Variants in SPATA9 observed in about 807,000 individuals in gnomAD.
SPATA9 encodes spermatogenesis-associated protein 9.
A neutral mutation model predicts 25.5 loss-of-function variants in SPATA9; 27 were observed. The ratio of observed to expected loss-of-function variants is 1.06; its 90% CI spans 0.78 to 1.46. The LOEUF is 1.46. SPATA9 is among the 40% of genes most tolerant of loss of function. The pLI is 0.00. For synonymous variants in SPATA9, 102 were observed against 105.7 expected (o/e 0.97, Z 0.21); for missense variants, 282 against 297.5 (o/e 0.95, Z 0.38).
chr5:95,704,056 T>TACAC, the SPATA9 span, among the ~76,000 whole-genome samples: 627 of 150,712 alleles, frequency 4.2e-3, 2 homozygotes, highest in African/African-American at 0.015. Flanking sequence ...ACAGTGCATA[T>TACAC]ACACACATAC....
intron 1 of SPATA9, among the ~76,000 whole-genome samples, chr5:95,694,894 G>A (rs1232477250): frequency 6.6e-6 from 1 of 152,056 alleles, no homozygotes; most frequent in African/African-American, 2.4e-5. Context: ...TCCAGCGATG[G>A]CACCAGAGGA....
At chr5:95,685,993 C>T (rs7733871), upstream of SPATA9, among the ~76,000 whole-genome samples, 7,756 of 152,160 alleles carry the variant, frequency 0.051, 275 homozygotes, top group African/African-American at 0.098. Context: ...CCCGCGACCA[C>T]GCCCGGCTAA....
At chr5:95,718,712 T>C in the SPATA9 span, among the ~76,000 whole-genome samples, 1 of 152,180 alleles carries the variant, frequency 6.6e-6, no homozygotes, top group Non-Finnish European at 1.5e-5. Context: ...ACACTAAGGT[T>C]GATCCAGGGT....
intron 1 of SPATA9, among the ~76,000 whole-genome samples, chr5:95,692,278 T>A (rs552177739): frequency 8.5e-5 from 13 of 152,268 alleles, no homozygotes; most frequent in Admixed American, 2.6e-4. Flanking sequence ...CATATTTTTT[T>A]AAAAAGCTAG....
downstream of SPATA9, chr5:95,655,253 G>T (rs1750673511): frequency 6.6e-6 from 1 of 152,108 alleles, no homozygotes; most frequent in East Asian, 1.9e-4. Context: ...GTGAATCTTT[G>T]CTGACAGTTT....
intron 2 of SPATA9, among the ~76,000 whole-genome samples, chr5:95,676,409 G>A (rs1404512089): frequency 1.3e-5 from 2 of 152,154 alleles, no homozygotes; most frequent in East Asian, 3.8e-4. Context: ...GAGCTATTAA[G>A]TAAACAAGAA....
the SPATA9 span, among the ~76,000 whole-genome samples, chr5:95,729,843 G>C: frequency 6.6e-6 from 1 of 152,148 alleles, no homozygotes; most frequent in African/African-American, 2.4e-5. Flanking sequence ...GTTTATGAAG[G>C]AATTTTCTTC....
At position 95,682,785 on chromosome 5, in the gene SPATA9, T is replaced by A; in HGVS notation, c.61+9A>T. On this transcript the variant is annotated intron_variant, in intron 1 of 4. Transcript: ENST00000274432. ...ACCCATACGCCCTTTACAACAAGAT[T>A]GTGTATACTTCTTCCAGAAAAGTTC... 4 of 1,542,972 alleles carry A rather than the reference T, an allele frequency of 2.6e-6. No homozygotes were observed. Among genetic ancestry groups the A allele is most frequent in the Non-Finnish European group, 3.5e-6 (4 of 1,149,246 alleles).
the SPATA9 span, chr5:95,732,074 G>C: frequency 6.2e-7 from 1 of 1,614,120 alleles, no homozygotes; most frequent in Middle Eastern, 1.6e-4. Context: ...GTCCACGACT[G>C]TCCCGTCTGG....
chr5:95,694,640 A>G (rs1339412802), intron 1 of SPATA9, among the ~76,000 whole-genome samples: 1 of 152,174 alleles, frequency 6.6e-6, no homozygotes, highest in African/African-American at 2.4e-5. Flanking sequence ...CATGAAACCA[A>G]ATTTATTTTC....
chr5:95,658,530 A>C lies in SPATA9; in HGVS notation c.*93T>G. The C allele has an allele frequency of 7.2e-7, 1 of 1,384,542 alleles. No homozygotes were observed. The highest frequency in any genetic ancestry group is 1.6e-5 in the South Asian group (1 of 63,858). 85.8% of individuals were successfully genotyped at this position (1,384,542 alleles called of 1,614,324 possible). ...TCTCTTTTTTTTAAGAAAGCAGAGC[A>C]ATTCAGAATATGTAAACTAGACTCT... On this transcript the variant is annotated 3_prime_UTR_variant, in exon 5 of 5. Transcript: ENST00000274432.
At chr5:95,721,660 C>A in the SPATA9 span, among the ~76,000 whole-genome samples, 2 of 143,582 alleles carry the variant, frequency 1.4e-5, no homozygotes. Flanking sequence ...TTAAGGAGCT[C>A]TAAAGAGGAA....
chr5:95,663,241 G>A (rs1751441827), intron 4 of SPATA9, among the ~76,000 whole-genome samples: 1 of 152,092 alleles, frequency 6.6e-6, no homozygotes, highest in South Asian at 2.1e-4. Context: ...AAACAGTGTT[G>A]GGCAAAAGAC....
At chr5:95,667,915 T>G (rs924040350) in intron 3 of SPATA9, among the ~76,000 whole-genome samples, 3 of 152,100 alleles carry the variant, frequency 2.0e-5, no homozygotes, top group Non-Finnish European at 4.4e-5. Flanking sequence ...TGTATAAAAG[T>G]GTATGGCCTC....
chr5:95,673,255 A>G (rs461873), intron 3 of SPATA9, among the ~76,000 whole-genome samples: 99,055 of 152,002 alleles, frequency 0.65, 33,349 homozygotes, highest in African/African-American at 0.82. Context: ...CATTTGGCCC[A>G]CATCACATTG....
chr5:95,717,488 C>T, the SPATA9 span: 1 of 152,148 alleles, frequency 6.6e-6, no homozygotes, highest in African/African-American at 2.4e-5. Flanking sequence ...ACACACACTA[C>T]ACACACACAT....
intron 1 of SPATA9, among the ~76,000 whole-genome samples, chr5:95,689,834 C>A (rs1561419071): frequency 6.6e-6 from 1 of 152,020 alleles, no homozygotes; most frequent in Non-Finnish European, 1.5e-5. Flanking sequence ...TATATACCCA[C>A]CATGGAATAC....
intron 3 of SPATA9, chr5:95,674,767 A>G (rs925157156): frequency 4.4e-6 from 2 of 456,566 alleles, no homozygotes; most frequent in African/African-American, 2.0e-5. Context: ...GTTTAACTCA[A>G]TTGGAGCCCC....
Position 95,682,563 on chromosome 5 carries a change from A to C in SPATA9, c.115T>G (p.Phe39Val). 6.2e-7 allele frequency: 1 copy of C among 1,613,688 alleles called. No homozygotes were observed. Among genetic ancestry groups the C allele is most frequent in the South Asian group, 1.1e-5 (1 of 90,974 alleles). ...MDLVDEFKDE[F>V]PTILRLSQSN... Reference sequence around the variant, plus strand: ...TGTGATAATCTTAGGATGGTGGGAAATTCATCTTTAAACTCATCTACAAGG... The same window carrying C: ...TGTGATAATCTTAGGATGGTGGGAACTTCATCTTTAAACTCATCTACAAGG... The change falls in exon 2 of 5, where the codon TTT (phenylalanine) becomes GTT (valine). Residue 39 changes from phenylalanine to valine, a missense_variant. Physicochemically the swap from Phe to Val is conservative, Grantham distance 50. Coordinates refer to ENST00000274432, the MANE Select transcript of SPATA9 (RefSeq NM_031952.4).
Sources: allele counts gnomAD v4.1 joint callset (sites outside exome capture counted in the v4.1 genomes callset), GRCh38; gene constraint gnomAD v4.1.1; transcripts MANE v1.5; gene names NCBI Gene and HGNC (gene_info 2026-07-23, HGNC 2026-07-21).